Variants in TPST2 observed in about 807,000 individuals in gnomAD.
TPST2 encodes the protein protein-tyrosine sulfotransferase 2.
A neutral mutation model predicts 27.8 loss-of-function variants in TPST2; 16 were observed. That is an observed-to-expected ratio of 0.58 (90% CI 0.39 to 0.88). TPST2 has a LOEUF of 0.88. TPST2 is among the 40% of genes least tolerant of loss of function. The pLI is 0.00. For synonymous variants in TPST2, 229 were observed against 231.7 expected (o/e 0.99, Z 0.10); for missense variants, 464 against 543.1 (o/e 0.85, Z 1.45).
chr22:26,580,987 A>C (rs1343832541), intron 1 of TPST2, among the ~76,000 whole-genome samples: 1 of 150,620 alleles, frequency 6.6e-6, no homozygotes, highest in Non-Finnish European at 1.5e-5. Context: ...TTTTATTATA[A>C]CACCACCGAT....
chr22:26,583,892 G>A (rs952754146), intron 1 of TPST2, among the ~76,000 whole-genome samples: 2 of 152,166 alleles, frequency 1.3e-5, no homozygotes, highest in African/African-American at 4.8e-5. Context: ...CAGGTGGCAC[G>A]AGGCAGGCCT....
chr22:26,556,177 G>A (rs189430199), intron 1 of TPST2, among the ~76,000 whole-genome samples: 7 of 152,216 alleles, frequency 4.6e-5, no homozygotes, highest in Non-Finnish European at 7.4e-5. Context: ...TCAATAACAA[G>A]ATCTAGTAGC....
intron 1 of TPST2, among the ~76,000 whole-genome samples, chr22:26,569,304 C>G (rs9625045): frequency 6.6e-6 from 1 of 152,036 alleles, no homozygotes; most frequent in Non-Finnish European, 1.5e-5. Context: ...TGGTGGTTAC[C>G]CCGGTGGGGC....
chr22:26,547,242 G>A (rs996433907), intron 1 of TPST2, among the ~76,000 whole-genome samples: 8 of 152,034 alleles, frequency 5.3e-5, no homozygotes, highest in African/African-American at 1.9e-4. Flanking sequence ...AGGACTACAG[G>A]TGCATGCCAC....
intron 1 of TPST2, among the ~76,000 whole-genome samples, chr22:26,574,807 C>T (rs1039033415): frequency 6.6e-6 from 1 of 152,152 alleles, no homozygotes; most frequent in African/African-American, 2.4e-5. Flanking sequence ...TATCACCTCC[C>T]ACAACTCCAG....
chr22:26,527,404 G>C (rs1403640272), intron 6 of TPST2, among the ~76,000 whole-genome samples: 1 of 152,194 alleles, frequency 6.6e-6, no homozygotes, highest in East Asian at 1.9e-4. Context: ...ACCTGGGCCA[G>C]CTCACGCCAT....
rs1924778899 is a variant in TPST2 at position 26,525,513 on chromosome 22, C to T, written c.*762G>A. 1 of 152,280 alleles carries T rather than the reference C, an allele frequency of 6.6e-6. No individual in the cohort carries two copies. The highest frequency in any genetic ancestry group is 6.5e-5 in the Admixed American group (1 of 15,284). 9.4% of individuals were successfully genotyped at this position (152,280 alleles called of 1,614,324 possible). A position where few individuals can be genotyped will look rare whatever the true frequency, so the allele number is the denominator to read the frequency against. ...ACAGGCGTGAGCCACTCCACCCGGCCTCTTTTGCTGATTTTAATGTTTATC... is the reference window on the plus strand; with the variant it reads ...ACAGGCGTGAGCCACTCCACCCGGCTTCTTTTGCTGATTTTAATGTTTATC... On this transcript the variant is annotated 3_prime_UTR_variant, in exon 7 of 7. Transcript: ENST00000338754.
At chr22:26,533,274 T>C (rs116212566) in intron 4 of TPST2, among the ~76,000 whole-genome samples, 2,609 of 152,200 alleles carry the variant, frequency 0.017, 72 homozygotes, top group African/African-American at 0.059. Flanking sequence ...TAGCTGGGCA[T>C]GGTGGCATGC....
chr22:26,552,378 T>C (rs1569186121), intron 1 of TPST2, among the ~76,000 whole-genome samples: 1 of 152,162 alleles, frequency 6.6e-6, no homozygotes, highest in African/African-American at 2.4e-5. Context: ...TGGGCGCTAT[T>C]ATTAGCCACG....
chr22:26,529,004 A>AAC (rs1195233584), intron 5 of TPST2, among the ~76,000 whole-genome samples: 1 of 150,192 alleles, frequency 6.7e-6, no homozygotes, highest in East Asian at 2.0e-4. Flanking sequence ...ACAAAAACAA[A>AAC]AAAAAAACAA....
At chr22:26,549,167 C>G (rs1158552242) in intron 1 of TPST2, among the ~76,000 whole-genome samples, 1 of 152,172 alleles carries the variant, frequency 6.6e-6, no homozygotes. Context: ...GCAAGTGCTA[C>G]CTGCCTGCTG....
chr22:26,587,629 C>A (rs977287023), intron 1 of TPST2, among the ~76,000 whole-genome samples: 1 of 152,106 alleles, frequency 6.6e-6, no homozygotes, highest in Non-Finnish European at 1.5e-5. Flanking sequence ...TGTGAGCCTC[C>A]GTGCCCGGCC....
chr22:26,582,658 A>G (rs928771597), intron 1 of TPST2, among the ~76,000 whole-genome samples: 14 of 152,118 alleles, frequency 9.2e-5, no homozygotes, highest in Admixed American at 4.6e-4. Context: ...CCCAACATCC[A>G]GTTGAGGGTT....
rs1377276475 is a variant in TPST2 at position 26,560,993 on chromosome 22, A to G, written c.-160-16318T>C. 6 of 1,609,100 alleles carry G rather than the reference A, an allele frequency of 3.7e-6. No individual in the cohort carries two copies. The African/African-American group carries it at 8.0e-5, about 21-fold the overall frequency. On this transcript the variant is annotated intron_variant, in intron 1 of 6. Coordinates refer to ENST00000338754, the MANE Select transcript of TPST2 (RefSeq NM_003595.5). The stretch of plus-strand genomic sequence containing the variant: ...CTGCGAAGCTGAAGGAAAAATACGA[A>G]AAGGATATTGCTGCATATCGAGCTA...
At chr22:26,583,118 G>GAA (rs113898345) in intron 1 of TPST2, among the ~76,000 whole-genome samples, 1 of 99,554 alleles carries the variant, frequency 1.0e-5, no homozygotes. Flanking sequence ...TCTCAAAAAG[G>GAA]AAAAAAAAAA....
At chr22:26,580,998 TC>T (rs2147241439) in intron 1 of TPST2, among the ~76,000 whole-genome samples, 1 of 145,556 alleles carries the variant, frequency 6.9e-6, no homozygotes, top group Admixed American at 7.0e-5. Flanking sequence ...CACCACCGAT[TC>T]CCCCAACCCT....
intron 1 of TPST2, among the ~76,000 whole-genome samples, chr22:26,570,055 GA>G (rs1430357412): frequency 8.2e-5 from 12 of 145,600 alleles, no homozygotes; most frequent in South Asian, 2.2e-4. Flanking sequence ...CAGAAAGAAA[GA>G]AAGAAAGAAG....
chr22:26,563,128 G>A (rs551636589), intron 1 of TPST2, among the ~76,000 whole-genome samples: 11 of 152,244 alleles, frequency 7.2e-5, no homozygotes, highest in African/African-American at 2.6e-4. Context: ...CTGAACACGA[G>A]GTCTTTCCGT....
chr22:26,570,053 A>AGACAGAC (rs1432634225), intron 1 of TPST2, among the ~76,000 whole-genome samples: 10 of 131,614 alleles, frequency 7.6e-5, no homozygotes, highest in South Asian at 2.5e-4. Context: ...GACAGAAAGA[A>AGACAGAC]AGAAAGAAAG....
Sources: allele counts gnomAD v4.1 joint callset (sites outside exome capture counted in the v4.1 genomes callset), GRCh38; gene constraint gnomAD v4.1.1; transcripts MANE v1.5; gene names NCBI Gene and HGNC (gene_info 2026-07-23, HGNC 2026-07-21).